CDK5RAP2: variants seen among roughly 807,000 people sequenced by gnomAD.
CDK5RAP2 encodes the protein CDK5 regulatory subunit-associated protein 2.
In CDK5RAP2, 147 loss-of-function variants were observed where a neutral mutation model predicts 232.9. That is an observed-to-expected ratio of 0.63 (90% CI 0.55 to 0.72). CDK5RAP2 has a LOEUF of 0.72. CDK5RAP2 is among the 30% of genes least tolerant of loss of function. The pLI, the probability that CDK5RAP2 is intolerant of heterozygous loss-of-function variation, is 0.00. For missense variants in CDK5RAP2, 2,195 were observed against 2,231.5 expected, an observed-to-expected ratio of 0.98 and a Z score of 0.33; for synonymous variants, 833 against 833.7, an observed-to-expected ratio of 1.00 and a Z score of 0.01.
At chr9:120,542,697 T>C (rs1187376811) in intron 5 of CDK5RAP2, among the ~76,000 whole-genome samples, 5 of 152,216 alleles carry the variant, frequency 3.3e-5, no homozygotes, top group African/African-American at 1.2e-4. Context: ...CTGGGAGTCA[T>C]GGCCCTTCCC....
intron 5 of CDK5RAP2, among the ~76,000 whole-genome samples, chr9:120,540,885 A>T (rs1313291961): frequency 6.6e-6 from 1 of 152,248 alleles, no homozygotes; most frequent in African/African-American, 2.4e-5. Flanking sequence ...GAGAGGCCTC[A>T]TGCTACCCTC....
intron 2 of CDK5RAP2, among the ~76,000 whole-genome samples, chr9:120,568,788 G>A (rs900759188): frequency 1.1e-4 from 16 of 151,976 alleles, no homozygotes; most frequent in African/African-American, 3.6e-4. Flanking sequence ...TTCTTAAAAC[G>A]CCAGACAATA....
intron 5 of CDK5RAP2, among the ~76,000 whole-genome samples, chr9:120,542,603 AC>A (rs2041682412): frequency 6.6e-6 from 1 of 152,190 alleles, no homozygotes; most frequent in Admixed American, 6.5e-5. Context: ...TTATCTACAT[AC>A]AAAAATTTAA....
chr9:120,521,333 A>G (rs1168429128), intron 11 of CDK5RAP2, among the ~76,000 whole-genome samples: 7 of 152,194 alleles, frequency 4.6e-5, no homozygotes, highest in African/African-American at 1.7e-4. Flanking sequence ...GCCCAAGGTT[A>G]CAGTTAGTGA....
chr9:120,438,212 T>G (rs2035697534), intron 24 of CDK5RAP2, among the ~76,000 whole-genome samples: 1 of 152,216 alleles, frequency 6.6e-6, no homozygotes, highest in African/African-American at 2.4e-5. Flanking sequence ...CGTGAGCCCA[T>G]AAGAGAAAGA....
chr9:120,490,718 T>C (rs56291536), intron 13 of CDK5RAP2, among the ~76,000 whole-genome samples: 5,918 of 152,276 alleles, frequency 0.039, 401 homozygotes, highest in African/African-American at 0.13. Flanking sequence ...TTATCCAAAA[T>C]TCTGTTGACA....
chr9:120,465,540 C>G (rs753368605), intron 18 of CDK5RAP2, among the ~76,000 whole-genome samples: 52 of 151,980 alleles, frequency 3.4e-4, no homozygotes, highest in Non-Finnish European at 1.0e-4. Flanking sequence ...AGAAATCTGA[C>G]AAACTCTATC....
chr9:120,518,737 A>G (rs1200863885), intron 11 of CDK5RAP2, 92 bp from the exon 12 acceptor site: 4 of 976,202 alleles, frequency 4.1e-6, no homozygotes, highest in Admixed American at 4.0e-5. Context: ...CGTGGGGGAA[A>G]AAAAGAAAAG....
At chr9:120,483,316 A>G (rs2038424330) in intron 14 of CDK5RAP2, among the ~76,000 whole-genome samples, 1 of 152,240 alleles carries the variant, frequency 6.6e-6, no homozygotes, top group Non-Finnish European at 1.5e-5. Context: ...CCCTCGGCCC[A>G]CTTGCTAAAC....
intron 18 of CDK5RAP2, among the ~76,000 whole-genome samples, chr9:120,464,132 G>A (rs954647247): frequency 8.5e-5 from 13 of 152,062 alleles, no homozygotes; most frequent in Non-Finnish European, 2.9e-5. Context: ...CAGAGTGTTC[G>A]ACACTATGAA....
intron 14 of CDK5RAP2, 66 bp from the exon 15 acceptor site, chr9:120,477,516 G>A: frequency 8.4e-7 from 1 of 1,184,754 alleles, no homozygotes; most frequent in Non-Finnish European, 1.3e-6. Context: ...CTTATATTAT[G>A]CAAACATATG....
At position 120,580,036 on chromosome 9, in the gene CDK5RAP2, C is replaced by A. The variant is rs567847377; in HGVS notation, c.-58G>T. On this transcript the variant is annotated 5_prime_UTR_variant, in exon 1 of 38. Coordinates refer to ENST00000349780, the MANE Select transcript of CDK5RAP2 (RefSeq NM_018249.6). Reference sequence around the variant, plus strand: ...TGGCGGCGGCGCCACTAGTACCCCCCGCGATAGCGACCCGCCGGGCTCCCC... The same window carrying A: ...TGGCGGCGGCGCCACTAGTACCCCCAGCGATAGCGACCCGCCGGGCTCCCC... 377 of 1,188,748 alleles carry A rather than the reference C, an allele frequency of 3.2e-4. 1 individual carries two copies. In the Middle Eastern group the frequency reaches 3.6e-3, roughly 11 times the overall value. 73.6% of individuals were successfully genotyped at this position (1,188,748 alleles called of 1,614,324 possible). A position where few individuals can be genotyped will look rare whatever the true frequency, so the allele number is the denominator to read the frequency against.
chr9:120,448,109 G>A lies in CDK5RAP2; in HGVS notation c.2811C>T (p.Arg937=). 6.2e-7 allele frequency: 1 copy of A among 1,613,996 alleles called. No homozygotes were observed. The highest frequency in any genetic ancestry group is 1.1e-5 in the South Asian group (1 of 91,074). The change falls in exon 22 of 38, where the codon CGC becomes CGT. Residue 937 remains arginine (R), a synonymous_variant. Coordinates refer to ENST00000349780, the MANE Select transcript of CDK5RAP2 (RefSeq NM_018249.6). ...GGGATGGTTTTATTAGGATTGGCAA[G>A]CGGGACTTCTTAGCCTCCTGAAAAC... is the stretch of plus-strand genomic sequence containing the variant. ...GITNREAKKS[R]LPILIKPSRS...
chr9:120,392,058 G>A (rs867738655), intron 36 of CDK5RAP2, among the ~76,000 whole-genome samples: 87 of 152,208 alleles, frequency 5.7e-4, no homozygotes, highest in African/African-American at 1.8e-3. Flanking sequence ...AGACATTTGC[G>A]GCTCTTCTTA....
intron 7 of CDK5RAP2, among the ~76,000 whole-genome samples, chr9:120,535,237 A>G (rs2041333527): frequency 6.6e-6 from 1 of 152,216 alleles, no homozygotes; most frequent in African/African-American, 2.4e-5. Flanking sequence ...GGGCACTTAC[A>G]TGGAGGCATG....
At chr9:120,553,070 G>T (rs547017135) in intron 3 of CDK5RAP2, among the ~76,000 whole-genome samples, 1 of 152,270 alleles carries the variant, frequency 6.6e-6, no homozygotes, top group African/African-American at 2.4e-5. Flanking sequence ...TATTTACTGA[G>T]AACCTACCAT....
Position 120,442,302 on chromosome 9 carries a change from C to T in CDK5RAP2, c.3148+1318G>A, listed in dbSNP as rs112302037. Among the ~76,000 whole-genome samples, 219 of 152,304 alleles carry T rather than the reference C, an allele frequency of 1.4e-3. 1 individual carries two copies. The highest frequency in any genetic ancestry group is 5.1e-3 in the African/African-American group (212 of 41,568). ...CGAAGTAACACTCCTGCAATCCAAT[C>T]TCCTGTACCGCGGTGCATGAGCAAA... On this transcript the variant is annotated intron_variant, in intron 23 of 37. Coordinates refer to ENST00000349780, the MANE Select transcript of CDK5RAP2 (RefSeq NM_018249.6).
intron 12 of CDK5RAP2, among the ~76,000 whole-genome samples, chr9:120,506,895 A>G (rs1162931894): frequency 6.6e-6 from 1 of 152,208 alleles, no homozygotes; most frequent in East Asian, 1.9e-4. Context: ...TATTATGTAA[A>G]CTTAGTTGAT....
intron 12 of CDK5RAP2, among the ~76,000 whole-genome samples, chr9:120,497,676 A>C (rs1160255079): frequency 2.0e-5 from 3 of 152,220 alleles, no homozygotes; most frequent in Non-Finnish European, 2.9e-5. Context: ...CACTAAGAAG[A>C]GCACATCACT....
Sources: gnomAD v4.1 joint callset for allele counts (sites outside exome capture counted in the v4.1 genomes callset) on GRCh38, gnomAD v4.1.1 for gene constraint, MANE v1.5 for transcripts, NCBI Gene and HGNC (gene_info 2026-07-23, HGNC 2026-07-21) for gene names.